FHL5: variants seen among roughly 807,000 people sequenced by gnomAD.
FHL5 encodes the protein four and a half LIM domains protein 5.
Under a neutral mutation model 32.0 loss-of-function variants are expected in FHL5, and 33 were observed. The ratio of observed to expected loss-of-function variants is 1.03; its 90% CI spans 0.78 to 1.38. The LOEUF is 1.38. FHL5 is among the 40% of genes most tolerant of loss of function. The probability of loss-of-function intolerance (pLI) is 0.00; values close to 1 mark genes in which losing one functional copy is unlikely to be tolerated. For missense variants in FHL5, 336 were observed against 343.9 expected, an observed-to-expected ratio of 0.98 and a Z score of 0.18; for synonymous variants, 114 against 113.6, an observed-to-expected ratio of 1.00 and a Z score of -0.02.
intron 1 of FHL5, among the ~76,000 whole-genome samples, chr6:96,567,622 A>G (rs533567584): frequency 2.0e-5 from 3 of 151,850 alleles, no homozygotes; most frequent in Non-Finnish European, 4.4e-5. Context: ...ATTCATGAAC[A>G]TGAGATATCT....
At chr6:96,584,089 AG>A (rs1211880662) in intron 1 of FHL5, among the ~76,000 whole-genome samples, 1 of 152,214 alleles carries the variant, frequency 6.6e-6, no homozygotes, top group African/African-American at 2.4e-5. Context: ...AGATAAAGTA[AG>A]CAGCATCCTT....
At chr6:96,606,130 T>A in intron 4 of FHL5, 59 bp downstream of exon 4, 1 of 1,433,074 alleles carries the variant, frequency 7.0e-7, no homozygotes, top group South Asian at 1.2e-5. Context: ...TTTAGCTGTA[T>A]CATATATTTA....
chr6:96,613,293 C>G (rs111274063), intron 5 of FHL5, among the ~76,000 whole-genome samples: 3,675 of 152,050 alleles, frequency 0.024, 49 homozygotes, highest in Non-Finnish European at 0.03. Flanking sequence ...CATAAATCAC[C>G]AAGTGTAATT....
intron 1 of FHL5, among the ~76,000 whole-genome samples, chr6:96,589,609 C>T (rs552634058): frequency 1.3e-5 from 2 of 152,052 alleles, no homozygotes; most frequent in South Asian, 4.2e-4. Flanking sequence ...TAATGAATTG[C>T]AATACATTCT....
At chr6:96,601,074 G>T (rs574368985) in intron 1 of FHL5, among the ~76,000 whole-genome samples, 1 of 152,200 alleles carries the variant, frequency 6.6e-6, no homozygotes, top group Non-Finnish European at 1.5e-5. Flanking sequence ...GGTGGCTCAC[G>T]CCTGTAATCC....
chr6:96,592,082 A>G (rs1415272835), intron 1 of FHL5, among the ~76,000 whole-genome samples: 1 of 152,160 alleles, frequency 6.6e-6, no homozygotes, highest in Non-Finnish European at 1.5e-5. Context: ...CACCACTGTC[A>G]TTGATAACAT....
intron 1 of FHL5, among the ~76,000 whole-genome samples, chr6:96,596,458 C>T (rs954147987): frequency 2.0e-4 from 31 of 152,140 alleles, no homozygotes; most frequent in Non-Finnish European, 2.1e-4. Context: ...CATCATTTAC[C>T]TTCTTGTTGA....
intron 4 of FHL5, 131 bp from the exon 5 acceptor site, chr6:96,610,441 C>A: frequency 1.5e-6 from 1 of 689,472 alleles, no homozygotes; most frequent in Non-Finnish European, 2.6e-6. Context: ...GCATAGAAGA[C>A]ATGAAATGAT....
chr6:96,599,254 G>A (rs974876350), intron 1 of FHL5, among the ~76,000 whole-genome samples: 2 of 143,768 alleles, frequency 1.4e-5, no homozygotes, highest in African/African-American at 5.2e-5. Flanking sequence ...AGAGTGCAAT[G>A]GTGCGATCTA....
chr6:96,563,451 C>T (rs1770289614), intron 1 of FHL5, 96 bp downstream of exon 1: 1 of 151,942 alleles, frequency 6.6e-6, no homozygotes, highest in African/African-American at 2.4e-5. Context: ...TATAAACTTT[C>T]CAGTAACTAC....
chr6:96,573,114 A>G (rs1011557186), intron 1 of FHL5, among the ~76,000 whole-genome samples: 3 of 152,168 alleles, frequency 2.0e-5, no homozygotes, highest in Non-Finnish European at 2.9e-5. Context: ...CATGTAATTC[A>G]TTCATTCATA....
chr6:96,567,858 A>T (rs1471340550), intron 1 of FHL5, among the ~76,000 whole-genome samples: 3 of 79,270 alleles, frequency 3.8e-5, no homozygotes, highest in African/African-American at 1.6e-4. Context: ...CTCCAACTTT[A>T]CTGAATCTGT....
chr6:96,602,370 A>C (rs1771166101), intron 1 of FHL5, among the ~76,000 whole-genome samples: 2 of 148,552 alleles, frequency 1.3e-5, no homozygotes, highest in Non-Finnish European at 3.0e-5. Context: ...TTTTGTAACA[A>C]CAAAGAATTC....
At chr6:96,584,465 G>T (rs867110050) in intron 1 of FHL5, among the ~76,000 whole-genome samples, 139 of 145,984 alleles carry the variant, frequency 9.5e-4, no homozygotes, top group Middle Eastern at 3.5e-3. Context: ...GTGTGTTTGT[G>T]TGTGTGTGTG....
At chr6:96,593,817 G>A (rs1770971330) in intron 1 of FHL5, among the ~76,000 whole-genome samples, 1 of 151,936 alleles carries the variant, frequency 6.6e-6, no homozygotes, top group Admixed American at 6.6e-5. Context: ...ATTCTCTGAT[G>A]CCTCCAAGCT....
At chr6:96,583,746 A>G (rs575816097) in intron 1 of FHL5, among the ~76,000 whole-genome samples, 499 of 152,216 alleles carry the variant, frequency 3.3e-3, no homozygotes, top group Non-Finnish European at 5.7e-3. Context: ...TCACCCTCAC[A>G]GAAAAAGTAA....
rs376821447 is a variant in FHL5, at chr6:96,610,561, G to C, written c.505-11G>C. On this transcript the variant is annotated splice_polypyrimidine_tract_variant and intron_variant, in intron 4 of 5. Coordinates refer to ENST00000450218, the MANE Select transcript of FHL5 (RefSeq NM_001322466.2). Reference sequence around the variant, plus strand: ...TCCCATGGTCATTGCCTTTTCTGTGGTCTTTGGCAGGTGATAACTTCAGGT... The same window carrying C: ...TCCCATGGTCATTGCCTTTTCTGTGCTCTTTGGCAGGTGATAACTTCAGGT... The C allele has an allele frequency of 2.6e-4, 423 of 1,609,490 alleles. No homozygotes were observed. Among genetic ancestry groups the C allele is most frequent in the Non-Finnish European group, 3.3e-4 (391 of 1,176,594 alleles).
chr6:96,573,770 A>G (rs1474477244), intron 1 of FHL5, among the ~76,000 whole-genome samples: 1 of 151,786 alleles, frequency 6.6e-6, no homozygotes, highest in African/African-American at 2.4e-5. Flanking sequence ...ATCCGCCCAC[A>G]TCAGCCTCCC....
chr6:96,610,458 T>A, intron 4 of FHL5, 114 bp from the exon 5 acceptor site: 1 of 758,602 alleles, frequency 1.3e-6, no homozygotes, highest in Non-Finnish European at 2.2e-6. Context: ...TGATCTTTTT[T>A]TTTTCTTTTT....
Sources: gnomAD v4.1 joint callset for allele counts (sites outside exome capture counted in the v4.1 genomes callset) on GRCh38, gnomAD v4.1.1 for gene constraint, MANE v1.5 for transcripts, NCBI Gene and HGNC (gene_info 2026-07-23, HGNC 2026-07-21) for gene names.